PAK1: variants seen among roughly 807,000 people sequenced by gnomAD.
PAK1 encodes serine/threonine-protein kinase PAK 1.
A neutral mutation model predicts 67.4 loss-of-function variants in PAK1; 29 were observed. The observed-to-expected ratio is 0.43, with a 90% CI of 0.32 to 0.59. The LOEUF is 0.59. Among genes scored for constraint, PAK1 ranks in the 20% least tolerant of loss-of-function variants. PAK1 has a pLI of 0.07. For synonymous variants in PAK1, 223 were observed against 237.4 expected (o/e 0.94, Z 0.56); for missense variants, 337 against 670.7 (o/e 0.50, Z 5.50).
the PAK1 span, among the ~76,000 whole-genome samples, chr11:77,512,333 C>T: frequency 1.5e-4 from 23 of 152,108 alleles, no homozygotes; most frequent in Non-Finnish European, 2.2e-4. Context: ...AGTGCCACCC[C>T]CACCCTCTTC....
At chr11:77,368,694 C>A (rs566527116) in intron 5 of PAK1, among the ~76,000 whole-genome samples, 4 of 152,008 alleles carry the variant, frequency 2.6e-5, no homozygotes, top group African/African-American at 9.7e-5. Flanking sequence ...TCCCACTCTG[C>A]GGCCCAGGCT....
At chr11:77,376,736 CAAAA>C (rs35882567) in intron 4 of PAK1, among the ~76,000 whole-genome samples, 1 of 75,242 alleles carries the variant, frequency 1.3e-5, no homozygotes, top group East Asian at 3.9e-4. Context: ...GACTCCATCT[CAAAA>C]AAAAAAAAAA....
intron 5 of PAK1, 59 bp downstream of exon 5, chr11:77,374,269 C>T (rs1411969979): frequency 3.5e-6 from 4 of 1,143,074 alleles, no homozygotes; most frequent in Non-Finnish European, 5.3e-6. Context: ...CTCTACCACA[C>T]TGTCTTGATC....
chr11:77,504,281 A>C, the PAK1 span, among the ~76,000 whole-genome samples: 1 of 151,124 alleles, frequency 6.6e-6, no homozygotes, highest in Middle Eastern at 3.4e-3. Flanking sequence ...TACACTTTCT[A>C]AAGCAAAAAA....
chr11:77,507,360 G>A, the PAK1 span, among the ~76,000 whole-genome samples: 1 of 152,040 alleles, frequency 6.6e-6, no homozygotes, highest in Admixed American at 6.6e-5. Flanking sequence ...ACCAGCAAGG[G>A]GACACTCAGA....
chr11:77,459,694 T>TCTTC (rs1565718040), intron 1 of PAK1, among the ~76,000 whole-genome samples: 5 of 148,520 alleles, frequency 3.4e-5, no homozygotes, highest in Admixed American at 1.3e-4. Flanking sequence ...CTTCTTCTTT[T>TCTTC]TTTTTTTTTT....
rs1164031979 is a variant in PAK1, at chr11:77,469,887, GTAA to G, written c.-22+3662_-22+3664del. Among the ~76,000 whole-genome samples, 7 of 151,744 alleles carry G rather than the reference GTAA, an allele frequency of 4.6e-5. No homozygotes were observed. The South Asian group carries it at 1.5e-3, about 32-fold the overall frequency. On this transcript the variant is annotated intron_variant, in intron 1 of 14. Transcript: ENST00000356341. ...TGATATTTTGAGATGTATATAATTC[GTAA>G]TAATCAAATCAGGATAATTAGCATA...
intron 1 of PAK1, among the ~76,000 whole-genome samples, chr11:77,450,221 G>A (rs535866643): frequency 7.2e-5 from 11 of 152,272 alleles, no homozygotes; most frequent in African/African-American, 2.6e-4. Flanking sequence ...GGGTAGAGTT[G>A]GGAAGAAAGA....
chr11:77,498,787 G>A, the PAK1 span, among the ~76,000 whole-genome samples: 6 of 122,894 alleles, frequency 4.9e-5, no homozygotes, highest in Middle Eastern at 7.0e-3. Context: ...TGCAACCTCC[G>A]CCTCCCATGT....
At chr11:77,394,448 T>A (rs371184212) in intron 1 of PAK1, among the ~76,000 whole-genome samples, 24 of 152,146 alleles carry the variant, frequency 1.6e-4, no homozygotes, top group African/African-American at 5.8e-4. Context: ...TTTTTTTTTT[T>A]AACAATTTCT....
intron 1 of PAK1, among the ~76,000 whole-genome samples, chr11:77,472,641 CCTA>C (rs1957919052): frequency 6.6e-6 from 1 of 152,164 alleles, no homozygotes; most frequent in African/African-American, 2.4e-5. Context: ...ACTGATAATT[CCTA>C]CTTTCTCCTG....
intron 12 of PAK1, among the ~76,000 whole-genome samples, chr11:77,336,542 T>A (rs181826542): frequency 3.4e-4 from 52 of 152,310 alleles, no homozygotes; most frequent in Admixed American, 2.5e-3. Flanking sequence ...GGGGACTTAG[T>A]GTTAAAGTCC....
chr11:77,462,689 A>C (rs1200883168), intron 1 of PAK1, among the ~76,000 whole-genome samples: 1 of 151,964 alleles, frequency 6.6e-6, no homozygotes, highest in Non-Finnish European at 1.5e-5. Context: ...AAAATTAGCC[A>C]GGCATGGTGC....
the PAK1 span, among the ~76,000 whole-genome samples, chr11:77,507,026 G>A: frequency 3.7e-4 from 56 of 152,284 alleles, no homozygotes; most frequent in Middle Eastern, 3.4e-3. Context: ...GGCATAAGAA[G>A]ATAACCCCAT....
At chr11:77,378,773 A>G (rs1949430949) in intron 4 of PAK1, among the ~76,000 whole-genome samples, 1 of 152,016 alleles carries the variant, frequency 6.6e-6, no homozygotes, top group Non-Finnish European at 1.5e-5. Flanking sequence ...TTTTTTGTAG[A>G]GACAGGGTTT....
At chr11:77,521,321 G>C in the PAK1 span, among the ~76,000 whole-genome samples, 2 of 152,100 alleles carry the variant, frequency 1.3e-5, no homozygotes, top group Non-Finnish European at 2.9e-5. Flanking sequence ...CCTGAGGTTG[G>C]GAGTTCGAGA....
At chr11:77,355,894 G>GA in intron 6 of PAK1, 52 bp from the exon 7 acceptor site, 1 of 1,173,486 alleles carries the variant, frequency 8.5e-7, no homozygotes, top group Non-Finnish European at 1.3e-6. Context: ...TAGCATAGGG[G>GA]AACCTCTCCT....
At chr11:77,526,337 C>T in the PAK1 span, among the ~76,000 whole-genome samples, 163 of 152,258 alleles carry the variant, frequency 1.1e-3, 2 homozygotes, top group Middle Eastern at 0.014. Flanking sequence ...TGTGGAGGGA[C>T]ATTAGGACCA....
intron 1 of PAK1, among the ~76,000 whole-genome samples, chr11:77,461,853 C>T (rs762066427): frequency 6.6e-6 from 1 of 152,142 alleles, no homozygotes; most frequent in African/African-American, 2.4e-5. Context: ...CAAAAGAAAA[C>T]TGCGAATTTT....
Sources: gnomAD v4.1 joint callset for allele counts (sites outside exome capture counted in the v4.1 genomes callset) on GRCh38, gnomAD v4.1.1 for gene constraint, MANE v1.5 for transcripts, NCBI Gene and HGNC (gene_info 2026-07-23, HGNC 2026-07-21) for gene names.